ITPRID2: variants seen among roughly 807,000 people sequenced by gnomAD.
ITPRID2 encodes the protein protein ITPRID2.
Under a neutral mutation model 124.3 loss-of-function variants are expected in ITPRID2, and 60 were observed. That is an observed-to-expected ratio of 0.48 (90% confidence interval 0.39 to 0.60). The LOEUF (loss-of-function observed/expected upper bound fraction) is 0.60. Ranked by LOEUF, ITPRID2 falls within the 20% of genes least tolerant of loss-of-function variation. The pLI is 0.00. For synonymous variants in ITPRID2, 521 were observed against 542.9 expected, an observed-to-expected ratio of 0.96 and a Z score of 0.56; for missense variants, 1,553 against 1,512.2, an observed-to-expected ratio of 1.03 and a Z score of -0.45.
At position 181,922,394 on chromosome 2, in the gene ITPRID2, G is replaced by A. The variant is rs779351385; in HGVS notation, c.3657G>A (p.Leu1219=). 1.1e-5 allele frequency: 17 copies of A among 1,611,522 alleles called. No individual in the cohort carries two copies. In the Admixed American group the frequency reaches 2.0e-4, roughly 19 times the overall value. The part of the protein sequence containing the change: ...EMHKNVEQDE[L]QQVIREIKES... ...ATAAAAATGTGGAGCAAGATGAGTT[G>A]CAGCAAGTCATACGGGAGGTGGGTA... The change falls in exon 16 of 18, where the codon TTG becomes TTA. Residue 1219 remains leucine, a synonymous_variant. Coordinates refer to ENST00000431877, the MANE Select transcript of ITPRID2 (RefSeq NM_001130445.3).
At chr2:181,897,220 A>C (rs1398577142) in intron 4 of ITPRID2, among the ~76,000 whole-genome samples, 1 of 149,308 alleles carries the variant, frequency 6.7e-6, no homozygotes, top group Non-Finnish European at 1.5e-5. Flanking sequence ...AACAGTTTGT[A>C]ACAAACCGTG....
chr2:181,921,191 T>C (rs1373222947), intron 15 of ITPRID2, among the ~76,000 whole-genome samples: 1 of 137,364 alleles, frequency 7.3e-6, no homozygotes, highest in African/African-American at 2.8e-5. Flanking sequence ...CTTTAAAAAA[T>C]AATAAGCCAG....
At chr2:181,920,305 A>G (rs1694387492) in intron 14 of ITPRID2, among the ~76,000 whole-genome samples, 2 of 152,180 alleles carry the variant, frequency 1.3e-5, no homozygotes, top group African/African-American at 2.4e-5. Context: ...GTACTTTTCA[A>G]CATGGTTTTG....
chr2:181,907,978 G>T lies in ITPRID2; in HGVS notation c.1414-1921G>T, dbSNP rs911123315. Among the ~76,000 whole-genome samples, 2 of 152,170 alleles carry T rather than the reference G, an allele frequency of 1.3e-5. No individual in the cohort carries two copies. Among genetic ancestry groups the T allele is most frequent in the Non-Finnish European group, 2.9e-5 (2 of 68,032 alleles). ...TGTTTTTGCCATTGAGTAGCATCTT[G>T]AAGAATAGAATGCTGATGATATGTG... On this transcript the variant is annotated intron_variant, in intron 8 of 17. Transcript: ENST00000431877. This position sits in a 1 kb window ranked among gnomAD's most constrained non-coding sequence, Gnocchi z 5.1.
chr2:181,917,160 C>G (rs1043274632), intron 11 of ITPRID2: 1 of 206,264 alleles, frequency 4.8e-6, no homozygotes, highest in Non-Finnish European at 8.5e-6. Context: ...CTTGAACATT[C>G]TCTCTGAATG....
chr2:181,916,316 A>G lies in ITPRID2; in HGVS notation c.2676A>G (p.Arg892=). ...CTTTCGGGTGTCCTTACTCACATAG[A>G]CATGCCACCTACCCTTACCGAGTGT... The part of the protein sequence containing the change: ...ASPFGCPYSH[R]HATYPYRVCS... Residue 892 remains arginine, a synonymous_variant, in exon 11 of 18, where the codon AGA becomes AGG. Coordinates refer to ENST00000431877, the MANE Select transcript of ITPRID2 (RefSeq NM_001130445.3). The G allele has an allele frequency of 1.2e-6, 2 of 1,614,210 alleles. No homozygotes were observed. The highest frequency in any genetic ancestry group is 1.7e-6 in the Non-Finnish European group (2 of 1,180,048).
Position 181,919,231 on chromosome 2 carries a change from A to T in ITPRID2, c.2994-65A>T. On this transcript the variant is annotated intron_variant, in intron 13 of 17. Coordinates refer to ENST00000431877, the MANE Select transcript of ITPRID2 (RefSeq NM_001130445.3). This position sits in a 1 kb window ranked among gnomAD's most constrained non-coding sequence, Gnocchi z 4.2. The stretch of plus-strand genomic sequence containing the variant: ...CTGTTAGCATATAGTAGTTGTTGAA[A>T]GATTTGTGATTAGGAATCTCCAAAC... The T allele has an allele frequency of 6.3e-7, 1 of 1,579,672 alleles. No homozygotes were observed. Among genetic ancestry groups the T allele is most frequent in the Non-Finnish European group, 8.6e-7 (1 of 1,157,890 alleles).
At chr2:181,915,081 A>T (rs776843766) in intron 10 of ITPRID2, 135 bp from the exon 11 acceptor site, 51 of 1,002,084 alleles carry the variant, frequency 5.1e-5, no homozygotes, top group Non-Finnish European at 6.4e-5. Flanking sequence ...GAGCAATAAA[A>T]CAATTTTGAG....
At position 181,929,490 on chromosome 2, in the gene ITPRID2, T is replaced by C. The variant is rs545134081; in HGVS notation, c.*14-71T>C. The C allele has an allele frequency of 8.3e-5, 85 of 1,020,452 alleles. No homozygotes were observed. The South Asian group carries it at 1.2e-3, about 15-fold the overall frequency. 63.2% of individuals were successfully genotyped at this position (1,020,452 alleles called of 1,614,324 possible). ...TATATATTTGCATAAAATTCTCATC[T>C]TCCTTTAAAGAAGCTTTTAATAACA... On this transcript the variant is annotated intron_variant, in intron 17 of 17. Coordinates refer to ENST00000431877, the MANE Select transcript of ITPRID2 (RefSeq NM_001130445.3).
intron 2 of ITPRID2, chr2:181,894,392 C>T (rs1338843779): frequency 2.0e-5 from 3 of 152,124 alleles, no homozygotes; most frequent in Non-Finnish European, 4.4e-5. Context: ...GGATTACCTT[C>T]TTGTTCCTAC....
At chr2:181,928,032 G>T in intron 16 of ITPRID2, 129 bp from the exon 17 acceptor site, 1 of 625,622 alleles carries the variant, frequency 1.6e-6, no homozygotes. Context: ...CTCCCTCTCT[G>T]TATTGCAGGG....
chr2:181,908,383 G>A (rs2125083401), intron 8 of ITPRID2, among the ~76,000 whole-genome samples: 1 of 152,290 alleles, frequency 6.6e-6, no homozygotes, highest in East Asian at 1.9e-4. Context: ...TGATCTGGTT[G>A]ATATTTACTT....
chr2:181,896,642 C>T lies in ITPRID2; in HGVS notation c.308-266C>T, dbSNP rs1272633457. On this transcript the variant is annotated intron_variant, in intron 3 of 17. Transcript: ENST00000431877. The surrounding 1 kb of genome is among the most constrained non-coding windows in gnomAD (Gnocchi z 4.3). ...ACTCTTGGTATGTAGTCTGATTGAACATCTTCAAAAATATAAGTTTAAAAC... is the reference window on the plus strand; with the variant it reads ...ACTCTTGGTATGTAGTCTGATTGAATATCTTCAAAAATATAAGTTTAAAAC... Among the ~76,000 whole-genome samples the T allele has an allele frequency of 1.3e-5, 2 of 151,956 alleles. No individual in the cohort carries two copies. The highest frequency in any genetic ancestry group is 2.9e-5 in the Non-Finnish European group (2 of 67,876).
intron 9 of ITPRID2, among the ~76,000 whole-genome samples, chr2:181,912,107 C>G (rs1473034889): frequency 1.3e-5 from 2 of 152,228 alleles, no homozygotes; most frequent in African/African-American, 4.8e-5. Context: ...GCCAGATAGA[C>G]AGTTTCACTT....
chr2:181,913,797 T>TTA (rs1179655810), intron 9 of ITPRID2, 48 bp from the exon 10 acceptor site: 3 of 1,400,290 alleles, frequency 2.1e-6, no homozygotes, highest in Non-Finnish European at 3.0e-6. Flanking sequence ...GCCACTTTTT[T>TTA]TATTTATAGA....
rs188650418 is a variant in ITPRID2, at chr2:181,896,772, A to G, written c.308-136A>G. The G allele has an allele frequency of 5.0e-3, 3,455 of 695,270 alleles. 22 individuals carry two copies. The highest frequency in any genetic ancestry group is 6.1e-3 in the Non-Finnish European group (2,384 of 389,338). The allele number at this position is 695,270 out of a possible 1,614,324, so 43.1% of individuals were successfully genotyped here. A position where few individuals can be genotyped will look rare whatever the true frequency, so the allele number is the denominator to read the frequency against. ...TTCTTGAAGTTATATAATCAGAATA[A>G]TGTCTGAGTACATTCAAGTCTGAAA... On this transcript the variant is annotated intron_variant, in intron 3 of 17. Coordinates refer to ENST00000431877, the MANE Select transcript of ITPRID2 (RefSeq NM_001130445.3). This position sits in a 1 kb window ranked among gnomAD's most constrained non-coding sequence, Gnocchi z 4.3.
rs1040856053 is a variant in ITPRID2 at position 181,910,673 on chromosome 2, C to T, written c.1486+702C>T. On this transcript the variant is annotated intron_variant, in intron 9 of 17. Transcript: ENST00000431877. The surrounding 1 kb of genome is among the most constrained non-coding windows in gnomAD (Gnocchi z 4.1). ...GAAACTTTACACATGCTGAACCACC[C>T]TGTTTTTTTTTTAAACAAAGATTCG... 7.7e-6 allele frequency: 5 copies of T among 648,768 alleles called. No individual in the cohort carries two copies. The African/African-American group carries it at 9.4e-5, about 12-fold the overall frequency. The allele number at this position is 648,768 out of a possible 1,614,324, so 40.2% of individuals were successfully genotyped here. A position where few individuals can be genotyped will look rare whatever the true frequency, so the allele number is the denominator to read the frequency against.
intron 4 of ITPRID2, 75 bp from the exon 5 acceptor site, chr2:181,898,805 T>C: frequency 9.6e-7 from 1 of 1,037,532 alleles, no homozygotes; most frequent in South Asian, 1.4e-5. Context: ...GGTAATTAGA[T>C]TTCTTGATAA....
chr2:181,915,941 C>T lies in ITPRID2; in HGVS notation c.2301C>T (p.Ser767=), dbSNP rs188659041. 4.0e-5 allele frequency: 64 copies of T among 1,614,216 alleles called. No homozygotes were observed. The Admixed American group carries it at 5.8e-4, about 15-fold the overall frequency. Residue 767 remains serine, a synonymous_variant, in exon 11 of 18, where the codon AGC becomes AGT. Coordinates refer to ENST00000431877, the MANE Select transcript of ITPRID2 (RefSeq NM_001130445.3). ...CTCCAGGAAAAGAGACCAGATGCAG[C>T]CCACCTTCCTTCACCTATAAGTACA... The part of the protein sequence containing the change: ...RLSPGKETRC[S]PPSFTYKYTP...
Sources: allele counts gnomAD v4.1 joint callset (sites outside exome capture counted in the v4.1 genomes callset), GRCh38; gene constraint gnomAD v4.1.1; non-coding constraint Gnocchi (gnomAD v3.1); transcripts MANE v1.5; gene names NCBI Gene and HGNC (gene_info 2026-07-23, HGNC 2026-07-21).